NCEH1: variants seen among roughly 807,000 people sequenced by gnomAD.
NCEH1 encodes the protein 2-acetyl MAGE hydrolase.
A neutral mutation model predicts 25.4 loss-of-function variants in NCEH1; 9 were observed. The observed-to-expected ratio is 0.35, with a 90% CI of 0.21 to 0.62. The LOEUF (loss-of-function observed/expected upper bound fraction) is 0.62. Ranked by LOEUF, NCEH1 falls within the 20% of genes least tolerant of loss-of-function variation. NCEH1 has a pLI of 0.72. For missense variants in NCEH1, 412 were observed against 501.1 expected (o/e 0.82, Z 1.70); for synonymous variants, 200 against 199.8 (o/e 1.00, Z -0.01).
intron 1 of NCEH1, among the ~76,000 whole-genome samples, chr3:172,674,224 G>A (rs557455917): frequency 3.9e-5 from 6 of 152,182 alleles, no homozygotes; most frequent in South Asian, 2.1e-4. Flanking sequence ...GGCAGATCAC[G>A]AGGTCAGGAG....
chr3:172,660,386 T>G (rs1417373795), intron 1 of NCEH1, among the ~76,000 whole-genome samples: 1 of 152,162 alleles, frequency 6.6e-6, no homozygotes, highest in African/African-American at 2.4e-5. Flanking sequence ...TGATGGACAT[T>G]TGGGTTGGTT....
intron 3 of NCEH1, among the ~76,000 whole-genome samples, chr3:172,645,247 T>C (rs1250272521): frequency 6.6e-6 from 1 of 152,198 alleles, no homozygotes; most frequent in Non-Finnish European, 1.5e-5. Context: ...TCATAGAACC[T>C]GACTCTAAGA....
intron 1 of NCEH1, among the ~76,000 whole-genome samples, chr3:172,700,906 C>T (rs1252630865): frequency 6.6e-6 from 1 of 152,110 alleles, no homozygotes; most frequent in Admixed American, 6.6e-5. Context: ...TAAAAACCTT[C>T]ATAAAATCTA....
rs1577071292 is a variant in NCEH1 at position 172,668,317 on chromosome 3, A to G, written c.139-20203T>C. Among the ~76,000 whole-genome samples, 4 of 151,338 alleles carry G rather than the reference A, an allele frequency of 2.6e-5. No homozygotes were observed. In the South Asian group the frequency reaches 6.3e-4, roughly 24 times the overall value. On this transcript the variant is annotated intron_variant, in intron 1 of 4. Transcript: ENST00000475381. ...GTAAATAACCCTAACTGGAACACCA[A>G]TAAGCTCAGGAAACAAATGGAAAAG...
intron 1 of NCEH1, among the ~76,000 whole-genome samples, chr3:172,671,506 T>TACACACACACACACAC (rs537504265): frequency 7.0e-6 from 1 of 143,246 alleles, no homozygotes; most frequent in African/African-American, 2.8e-5. Context: ...CACATACACA[T>TACACACACACACACAC]ACACACACAC....
chr3:172,698,132 A>G (rs56876759), intron 1 of NCEH1, among the ~76,000 whole-genome samples: 8,449 of 151,946 alleles, frequency 0.056, 773 homozygotes, highest in African/African-American at 0.19. Flanking sequence ...ACCCGCCACC[A>G]TGCCCGGCTA....
intron 1 of NCEH1, among the ~76,000 whole-genome samples, chr3:172,671,843 C>G (rs1447211970): frequency 1.3e-5 from 2 of 152,196 alleles, no homozygotes; most frequent in African/African-American, 4.8e-5. Context: ...AGGGTGGTTC[C>G]ATAGATTATG....
intron 3 of NCEH1, among the ~76,000 whole-genome samples, chr3:172,639,006 T>C (rs932987986): frequency 6.6e-6 from 1 of 152,158 alleles, no homozygotes; most frequent in African/African-American, 2.4e-5. Context: ...TGGACACTTT[T>C]GGCCAGGCAC....
In NCEH1 at chr3:172,633,116, T is replaced by C; in HGVS notation, c.*359A>G. On this transcript the variant is annotated 3_prime_UTR_variant, in exon 5 of 5. Coordinates refer to ENST00000475381, the MANE Select transcript of NCEH1 (RefSeq NM_020792.6). ...TAACTTATTAAAGGTCACTCTATGATCCAGAGCTGGAAGAACTGCTTCTAA... is the reference window on the plus strand; with the variant it reads ...TAACTTATTAAAGGTCACTCTATGACCCAGAGCTGGAAGAACTGCTTCTAA... 4.1e-6 allele frequency: 1 copy of C among 245,146 alleles called. No individual in the cohort carries two copies. Among genetic ancestry groups the C allele is most frequent in the Non-Finnish European group, 7.9e-6 (1 of 125,832 alleles). The allele number at this position is 245,146 out of a possible 1,614,324, so 15.2% of individuals were successfully genotyped here.
intron 1 of NCEH1, among the ~76,000 whole-genome samples, chr3:172,663,580 T>C (rs1327647566): frequency 6.6e-6 from 1 of 152,174 alleles, no homozygotes; most frequent in Non-Finnish European, 1.5e-5. Context: ...CTCCCAATAT[T>C]ATTGTTTGGG....
At chr3:172,646,928 AC>A (rs146973642) in intron 2 of NCEH1, among the ~76,000 whole-genome samples, 1 of 152,148 alleles carries the variant, frequency 6.6e-6, no homozygotes, top group East Asian at 1.9e-4. Context: ...CTTGCCCACA[AC>A]TGTTTGAGCT....
At chr3:172,683,650 G>C (rs1384094618) in intron 1 of NCEH1, among the ~76,000 whole-genome samples, 1 of 152,184 alleles carries the variant, frequency 6.6e-6, no homozygotes, top group Non-Finnish European at 1.5e-5. Context: ...CGCCCTCCAG[G>C]CTGAGTGACA....
intron 1 of NCEH1, among the ~76,000 whole-genome samples, chr3:172,688,018 C>G (rs1249096648): frequency 6.6e-6 from 1 of 152,090 alleles, no homozygotes; most frequent in Non-Finnish European, 1.5e-5. Context: ...TGCATAGAAA[C>G]AGTTTAATTA....
chr3:172,647,433 G>A (rs925587850), intron 2 of NCEH1, among the ~76,000 whole-genome samples: 3 of 152,198 alleles, frequency 2.0e-5, no homozygotes, highest in Admixed American at 6.5e-5. Flanking sequence ...GTTAACATGT[G>A]TATTAAGGAA....
At chr3:172,653,963 G>A (rs1239936101) in intron 1 of NCEH1, among the ~76,000 whole-genome samples, 1 of 151,978 alleles carries the variant, frequency 6.6e-6, no homozygotes, top group East Asian at 1.9e-4. Flanking sequence ...CACTGTGCTG[G>A]CTAGGATGGT....
intron 1 of NCEH1, among the ~76,000 whole-genome samples, chr3:172,669,898 A>G (rs879848509): frequency 1.3e-5 from 2 of 152,220 alleles, no homozygotes; most frequent in African/African-American, 2.4e-5. Context: ...ATCATCCATA[A>G]TATTAGTTGA....
chr3:172,669,527 G>A lies in NCEH1; in HGVS notation c.139-21413C>T, dbSNP rs117697675. ...TTCCAGGTATTAACAGATTTTGAAA[G>A]ATGAATAATAGCCATTTTAGTGGTT... On this transcript the variant is annotated intron_variant, in intron 1 of 4. Transcript: ENST00000475381. Among the ~76,000 whole-genome samples, 30 of 152,290 alleles carry A rather than the reference G, an allele frequency of 2.0e-4. No homozygotes were observed. The East Asian group carries it at 5.6e-3, about 28-fold the overall frequency.
At chr3:172,709,478 A>G (rs1046209989) in intron 1 of NCEH1, among the ~76,000 whole-genome samples, 3 of 152,210 alleles carry the variant, frequency 2.0e-5, no homozygotes, top group Non-Finnish European at 4.4e-5. Context: ...AAAGAAGGGG[A>G]TGATCATTTT....
At chr3:172,666,915 C>T (rs1718233994) in intron 1 of NCEH1, among the ~76,000 whole-genome samples, 1 of 152,192 alleles carries the variant, frequency 6.6e-6, no homozygotes, top group African/African-American at 2.4e-5. Flanking sequence ...TTGCAACCTT[C>T]TAGGAACAGA....
Sources: gnomAD v4.1 joint callset for allele counts (sites outside exome capture counted in the v4.1 genomes callset) on GRCh38, gnomAD v4.1.1 for gene constraint, MANE v1.5 for transcripts, NCBI Gene and HGNC (gene_info 2026-07-23, HGNC 2026-07-21) for gene names.